The following TOX2 variants were observed in gnomAD, a reference collection of about 807,000 sequenced individuals.
The protein encoded by TOX2 is granulosa cell HMG box 1.
TOX2 carries 15 observed loss-of-function variants against 47.4 expected under a neutral mutation model. That is an observed-to-expected ratio of 0.32 (90% CI 0.21 to 0.49). TOX2 has a LOEUF of 0.49. TOX2 is among the 20% of genes least tolerant of loss of function. TOX2 has a pLI of 0.99. For synonymous variants in TOX2, 290 were observed against 296.6 expected (o/e 0.98, Z 0.23); for missense variants, 622 against 673.1 (o/e 0.92, Z 0.84).
chr20:43,944,999 C>T (rs530296416), intron 1 of TOX2, among the ~76,000 whole-genome samples: 11 of 152,292 alleles, frequency 7.2e-5, no homozygotes, highest in Non-Finnish European at 1.0e-4. Flanking sequence ...CCTTAGTGCC[C>T]GGGGCCAGCT....
chr20:44,027,012 G>A (rs1043717261), intron 3 of TOX2, among the ~76,000 whole-genome samples: 3 of 152,244 alleles, frequency 2.0e-5, no homozygotes, highest in Non-Finnish European at 4.4e-5. Context: ...AAACACGGGT[G>A]AGGATACAAA....
chr20:43,998,854 G>T (rs967831192), intron 2 of TOX2, among the ~76,000 whole-genome samples: 38 of 152,096 alleles, frequency 2.5e-4, no homozygotes, highest in Non-Finnish European at 2.2e-4. Context: ...CTGCTTCCCG[G>T]GTTCAAGGGA....
chr20:44,041,937 T>G (rs1317425956), intron 3 of TOX2, among the ~76,000 whole-genome samples: 1 of 152,232 alleles, frequency 6.6e-6, no homozygotes, highest in African/African-American at 2.4e-5. Context: ...CATAATAAAC[T>G]TCAATTATAC....
At chr20:44,033,370 A>G (rs926234677) in intron 3 of TOX2, among the ~76,000 whole-genome samples, 5 of 152,068 alleles carry the variant, frequency 3.3e-5, no homozygotes, top group Admixed American at 6.5e-5. Flanking sequence ...TTCCCACATC[A>G]TTGATTCTGG....
chr20:44,066,670 TGGGACA>T, intron 7 of TOX2, 54 bp from the exon 8 acceptor site: 1 of 1,612,544 alleles, frequency 6.2e-7, no homozygotes. Context: ...CCGGGAGGCC[TGGGACA>T]GTCTGCCCCC....
chr20:43,962,268 C>T (rs183693390), intron 1 of TOX2, among the ~76,000 whole-genome samples: 10 of 152,330 alleles, frequency 6.6e-5, no homozygotes, highest in Admixed American at 2.0e-4. Context: ...CCATCAGGCC[C>T]GGCCCTCTGG....
chr20:44,016,033 A>C (rs943931886), intron 3 of TOX2, among the ~76,000 whole-genome samples: 6 of 152,048 alleles, frequency 3.9e-5, no homozygotes, highest in African/African-American at 1.4e-4. Flanking sequence ...AAAGGAACAA[A>C]ACATGTTCTT....
intron 1 of TOX2, among the ~76,000 whole-genome samples, chr20:43,958,856 G>A (rs192113620): frequency 2.0e-5 from 3 of 152,376 alleles, no homozygotes; most frequent in Admixed American, 2.0e-4. Flanking sequence ...ATTTGCAGAA[G>A]CCAGAGGATT....
chr20:44,051,270 C>G, intron 3 of TOX2, 36 bp from the exon 4 acceptor site: 1 of 1,561,920 alleles, frequency 6.4e-7, no homozygotes, highest in Non-Finnish European at 8.7e-7. Flanking sequence ...CAGGACAGAT[C>G]CTTCCTAACT....
intron 1 of TOX2, chr20:43,946,060 C>T: frequency 6.2e-7 from 1 of 1,612,524 alleles, no homozygotes; most frequent in South Asian, 1.1e-5. Flanking sequence ...GTGCCCACCG[C>T]CCCATGAGGT....
chr20:43,992,471 C>T (rs375210337), intron 2 of TOX2, among the ~76,000 whole-genome samples: 5 of 152,248 alleles, frequency 3.3e-5, no homozygotes, highest in East Asian at 1.9e-4. Flanking sequence ...CTCAGCATCT[C>T]GCAATGTCTT....
chr20:43,918,430 C>CCGT (rs2069080894), intron 1 of TOX2, among the ~76,000 whole-genome samples: 1 of 152,190 alleles, frequency 6.6e-6, no homozygotes, highest in Non-Finnish European at 1.5e-5. Context: ...GAGAACATTT[C>CCGT]CGTCATCCCA....
intron 3 of TOX2, among the ~76,000 whole-genome samples, chr20:44,029,187 T>G (rs1332723419): frequency 6.6e-6 from 1 of 152,210 alleles, no homozygotes; most frequent in Admixed American, 6.5e-5. Flanking sequence ...AGTTCTGTGG[T>G]TTGTCATTGT....
chr20:44,057,211 A>G (rs965377252), intron 5 of TOX2, among the ~76,000 whole-genome samples: 3 of 152,224 alleles, frequency 2.0e-5, no homozygotes, highest in Admixed American at 2.0e-4. Context: ...ATGAGCCACT[A>G]TATCCAGCCA....
chr20:43,938,099 A>G (rs559429678), intron 1 of TOX2, among the ~76,000 whole-genome samples: 10 of 152,298 alleles, frequency 6.6e-5, no homozygotes, highest in Admixed American at 3.9e-4. Context: ...ATGCTTGTGG[A>G]CAATGCGGGC....
chr20:44,023,905 G>C (rs1412524901), intron 3 of TOX2, among the ~76,000 whole-genome samples: 2 of 152,172 alleles, frequency 1.3e-5, no homozygotes, highest in Admixed American at 6.5e-5. Context: ...TCTGGTCTTG[G>C]GGCTGCCACC....
chr20:44,017,992 A>T (rs1225099248), intron 3 of TOX2, among the ~76,000 whole-genome samples: 1 of 152,190 alleles, frequency 6.6e-6, no homozygotes, highest in Non-Finnish European at 1.5e-5. Flanking sequence ...TCATATTCAT[A>T]AATAATCTCA....
chr20:43,943,361 G>C (rs1361269969), intron 1 of TOX2, among the ~76,000 whole-genome samples: 2 of 152,194 alleles, frequency 1.3e-5, no homozygotes, highest in African/African-American at 4.8e-5. Context: ...GGCTTTCTGT[G>C]CTTGTCTGGT....
intron 1 of TOX2, among the ~76,000 whole-genome samples, chr20:43,959,476 CAGATGACCT>C (rs2069721463): frequency 6.6e-6 from 1 of 152,222 alleles, no homozygotes; most frequent in Non-Finnish European, 1.5e-5. Context: ...GTGCCAAGTT[CAGATGACCT>C]AGAAAAACCT....
Sources: allele counts gnomAD v4.1 joint callset (sites outside exome capture counted in the v4.1 genomes callset), GRCh38; gene constraint gnomAD v4.1.1; transcripts MANE v1.5; gene names NCBI Gene and HGNC (gene_info 2026-07-23, HGNC 2026-07-21).